The following SAMD4A variants were observed in gnomAD, a reference collection of about 807,000 sequenced individuals.
SAMD4A encodes protein Smaug homolog 1.
In SAMD4A, 33 loss-of-function variants were observed where a neutral mutation model predicts 81.3. The observed-to-expected ratio is 0.41, with a 90% CI of 0.31 to 0.54. SAMD4A has a LOEUF of 0.54. Among genes scored for constraint, SAMD4A ranks in the 20% least tolerant of loss-of-function variants. The pLI is 0.37. For synonymous variants in SAMD4A, 389 were observed against 382.1 expected (o/e 1.02, Z -0.21); for missense variants, 854 against 951.1 (o/e 0.90, Z 1.34).
At chr14:54,778,331 C>T (rs998183183) in intron 11 of SAMD4A, among the ~76,000 whole-genome samples, 4 of 152,068 alleles carry the variant, frequency 2.6e-5, no homozygotes, top group Non-Finnish European at 4.4e-5. Context: ...GAATCTTCCA[C>T]CTATACCTTT....
chr14:54,775,441 A>G (rs1287783867), intron 10 of SAMD4A, among the ~76,000 whole-genome samples: 1 of 152,130 alleles, frequency 6.6e-6, no homozygotes, highest in East Asian at 1.9e-4. Flanking sequence ...TGCCACCCAA[A>G]TCTGGGTTCC....
intron 9 of SAMD4A, among the ~76,000 whole-genome samples, chr14:54,771,090 T>C (rs868361314): frequency 2.0e-5 from 3 of 152,176 alleles, no homozygotes; most frequent in South Asian, 2.1e-4. Context: ...TGGGCATTTA[T>C]TTGCGTAAGC....
chr14:54,722,709 T>A (rs1443011023), intron 3 of SAMD4A, among the ~76,000 whole-genome samples: 1 of 152,216 alleles, frequency 6.6e-6, no homozygotes. Flanking sequence ...CATCTAATCA[T>A]GTATTTAATG....
chr14:54,693,862 T>G (rs550659274), intron 2 of SAMD4A: 13 of 152,078 alleles, frequency 8.5e-5, no homozygotes, highest in African/African-American at 3.1e-4. Context: ...TAAGGGAGTG[T>G]AAGGTGAGAG....
chr14:54,747,876 A>G (rs1025806268), intron 4 of SAMD4A, among the ~76,000 whole-genome samples: 1 of 152,248 alleles, frequency 6.6e-6, no homozygotes, highest in African/African-American at 2.4e-5. Context: ...AGATCCTATC[A>G]GCTCACAAAC....
At chr14:54,685,279 C>G (rs541406210) in intron 2 of SAMD4A, among the ~76,000 whole-genome samples, 1 of 148,146 alleles carries the variant, frequency 6.8e-6, no homozygotes, top group African/African-American at 2.5e-5. Flanking sequence ...TTCCTGCCCC[C>G]CCCCCCAGCT....
intron 7 of SAMD4A, among the ~76,000 whole-genome samples, chr14:54,762,660 T>C (rs2038431871): frequency 6.6e-6 from 1 of 152,130 alleles, no homozygotes; most frequent in African/African-American, 2.4e-5. Flanking sequence ...TTCTTTACAT[T>C]TTACCTACGT....
At chr14:54,727,856 G>A (rs1380762246) in intron 3 of SAMD4A, among the ~76,000 whole-genome samples, 1 of 152,160 alleles carries the variant, frequency 6.6e-6, no homozygotes, top group Non-Finnish European at 1.5e-5. Context: ...TACCTAGTTT[G>A]TATAACAGGT....
chr14:54,718,172 G>A (rs1031743987), intron 3 of SAMD4A, among the ~76,000 whole-genome samples: 20 of 152,208 alleles, frequency 1.3e-4, no homozygotes, highest in Non-Finnish European at 8.8e-5. Context: ...GGTCACACTC[G>A]TGACCATCTC....
intron 2 of SAMD4A, among the ~76,000 whole-genome samples, chr14:54,687,563 G>C (rs1295124465): frequency 1.3e-5 from 2 of 152,246 alleles, no homozygotes; most frequent in Non-Finnish European, 2.9e-5. Context: ...CGGTGACACA[G>C]AGCATCTGGG....
chr14:54,585,625 T>C (rs1259553894), intron 2 of SAMD4A, among the ~76,000 whole-genome samples: 5 of 152,128 alleles, frequency 3.3e-5, no homozygotes, highest in Non-Finnish European at 7.4e-5. Flanking sequence ...CCAAAGTCCA[T>C]TATATCATTC....
intron 3 of SAMD4A, among the ~76,000 whole-genome samples, chr14:54,704,876 A>G (rs1409156077): frequency 6.6e-6 from 1 of 152,210 alleles, no homozygotes; most frequent in Non-Finnish European, 1.5e-5. Flanking sequence ...GTGTGAGTCA[A>G]AACTCCAAGC....
intron 2 of SAMD4A, chr14:54,685,823 C>T (rs1175790300): frequency 1.3e-5 from 6 of 456,476 alleles, no homozygotes; most frequent in South Asian, 1.5e-5. Context: ...GGTATGCATC[C>T]GAAGGGTAAC....
chr14:54,576,150 C>T (rs2033290945), intron 2 of SAMD4A, among the ~76,000 whole-genome samples: 1 of 151,694 alleles, frequency 6.6e-6, no homozygotes. Context: ...CCATAAAGTG[C>T]AGTCACTGGA....
At chr14:54,737,337 G>A in intron 4 of SAMD4A, 50 bp downstream of exon 4, 1 of 1,595,824 alleles carries the variant, frequency 6.3e-7, no homozygotes, top group Non-Finnish European at 8.5e-7. Context: ...TCCCTTTATT[G>A]GAGACCAGAG....
At chr14:54,589,857 A>T (rs2140177638) in intron 2 of SAMD4A, among the ~76,000 whole-genome samples, 1 of 152,268 alleles carries the variant, frequency 6.6e-6, no homozygotes, top group African/African-American at 2.4e-5. Context: ...CACATCCTTC[A>T]GGTCTCTGCT....
In SAMD4A at chr14:54,737,201, C is replaced by A; in HGVS notation, c.893C>A (p.Ala298Asp). 1 of 1,614,114 alleles carries A rather than the reference C, an allele frequency of 6.2e-7. No homozygotes were observed. The highest frequency in any genetic ancestry group is 8.5e-7 in the Non-Finnish European group (1 of 1,180,026). ...HAPLSPQSSV[A>D]SSGSGGSEHL... is the part of the protein sequence containing the mutation. ...CCCCTGTCTCCACAAAGCAGTGTAG[C>A]CTCTTCAGGAAGTGGTGGGAGTGAA... is the stretch of plus-strand genomic sequence containing the variant. The change falls in exon 4 of 13, where the codon GCC becomes GAC. Residue 298 changes from alanine (A) to aspartate (D), a missense_variant. Physicochemically the swap from Ala to Asp is moderately radical, Grantham distance 126. This residue lies in a region of SAMD4A where 387 missense variants were observed against 405.8 expected (regional missense o/e 0.95). Transcript: ENST00000554335.
intron 2 of SAMD4A, among the ~76,000 whole-genome samples, chr14:54,601,666 G>A (rs569431740): frequency 3.9e-5 from 6 of 152,300 alleles, no homozygotes; most frequent in African/African-American, 9.6e-5. Flanking sequence ...AATTTGTTGC[G>A]GTTAAACAGT....
chr14:54,601,545 G>A (rs1418233188), intron 2 of SAMD4A, among the ~76,000 whole-genome samples: 4 of 152,136 alleles, frequency 2.6e-5, no homozygotes, highest in Non-Finnish European at 5.9e-5. Context: ...GAAACCCAGC[G>A]ACATTTTAAA....
Sources: gnomAD v4.1 joint callset for allele counts (sites outside exome capture counted in the v4.1 genomes callset) on GRCh38, gnomAD v4.1.1 for gene constraint, gnomAD v4.1.1 regional missense constraint, MANE v1.5 for transcripts, NCBI Gene and HGNC (gene_info 2026-07-23, HGNC 2026-07-21) for gene names.